CASP6: variants seen among roughly 807,000 people sequenced by gnomAD.
CASP6 encodes the protein caspase 6.
Under a neutral mutation model 31.8 loss-of-function variants are expected in CASP6, and 20 were observed. That is an observed-to-expected ratio of 0.63 (90% CI 0.44 to 0.91). The LOEUF is 0.91. Among genes scored for constraint, CASP6 ranks in the 40% least tolerant of loss-of-function variants. The pLI is 0.00. For missense variants in CASP6, 328 were observed against 361.1 expected (o/e 0.91, Z 0.74); for synonymous variants, 130 against 127.8 (o/e 1.02, Z -0.12).
chr4:109,706,340 T>C (rs958243435), upstream of CASP6, among the ~76,000 whole-genome samples: 3 of 150,924 alleles, frequency 2.0e-5, no homozygotes, highest in Non-Finnish European at 4.4e-5. Flanking sequence ...GCAAGACAAA[T>C]AGAATTGGAA....
downstream of CASP6, chr4:109,687,643 A>G (rs1729881416): frequency 8.2e-7 from 1 of 1,214,054 alleles, no homozygotes; most frequent in Non-Finnish European, 1.2e-6. Flanking sequence ...TGATTTTGCA[A>G]CTTAGGATGT....
chr4:109,681,828 G>A, the CASP6 span, among the ~76,000 whole-genome samples: 356 of 152,366 alleles, frequency 2.3e-3, 3 homozygotes, highest in African/African-American at 7.9e-3. Context: ...GACAGTGAGC[G>A]AAAGCTCAGC....
intron 5 of CASP6, among the ~76,000 whole-genome samples, chr4:109,692,919 G>A (rs1195562100): frequency 6.6e-6 from 1 of 152,206 alleles, no homozygotes; most frequent in Non-Finnish European, 1.5e-5. Flanking sequence ...CGGTTTGAAC[G>A]TCTGTCCCCT....
chr4:109,681,756 G>A, the CASP6 span, among the ~76,000 whole-genome samples: 1 of 152,234 alleles, frequency 6.6e-6, no homozygotes, highest in Non-Finnish European at 1.5e-5. Flanking sequence ...TGGACACCCT[G>A]CTGGATCCGG....
chr4:109,707,855 T>G (rs1210472677), upstream of CASP6, among the ~76,000 whole-genome samples: 1 of 152,098 alleles, frequency 6.6e-6, no homozygotes, highest in East Asian at 1.9e-4. Flanking sequence ...TGCCATGGGG[T>G]GCTCAATGTT....
At chr4:109,685,232 C>G (rs770439088), downstream of CASP6, 1 of 928,464 alleles carries the variant, frequency 1.1e-6, no homozygotes, top group Non-Finnish European at 1.6e-6. Flanking sequence ...GTTTTCTTCT[C>G]TCTCTCTTTT....
At chr4:109,687,207 A>C (rs961982203), downstream of CASP6, among the ~76,000 whole-genome samples, 40 of 152,146 alleles carry the variant, frequency 2.6e-4, no homozygotes, top group African/African-American at 9.4e-4. Context: ...ATACCAAAAA[A>C]TATTAGGTGG....
At chr4:109,682,746 A>G in the CASP6 span, 1 of 1,607,088 alleles carries the variant, frequency 6.2e-7, no homozygotes, top group Non-Finnish European at 8.5e-7. Context: ...TGAACAGGTT[A>G]GGAAGCATCA....
the CASP6 span, among the ~76,000 whole-genome samples, chr4:109,678,024 C>CATCTTAA: frequency 6.6e-5 from 10 of 151,756 alleles, no homozygotes; most frequent in Middle Eastern, 3.4e-3. Context: ...TGACTCTTAA[C>CATCTTAA]GAGTATGCTG....
chr4:109,665,165 A>G, the CASP6 span, among the ~76,000 whole-genome samples: 1 of 152,230 alleles, frequency 6.6e-6, no homozygotes, highest in African/African-American at 2.4e-5. Flanking sequence ...TGTATATTCT[A>G]TAGATTGTGA....
At chr4:109,688,204 A>C (rs1729896672), downstream of CASP6, 1 of 152,264 alleles carries the variant, frequency 6.6e-6, no homozygotes, top group South Asian at 2.1e-4. Flanking sequence ...CGAAGCCAAA[A>C]CAGTTAACTT....
At chr4:109,669,959 T>C in the CASP6 span, among the ~76,000 whole-genome samples, 1 of 152,242 alleles carries the variant, frequency 6.6e-6, no homozygotes, top group African/African-American at 2.4e-5. Context: ...TAGCATATTA[T>C]TTGTAGTTAT....
chr4:109,701,455 G>A (rs1409866108), intron 1 of CASP6, among the ~76,000 whole-genome samples: 1 of 150,524 alleles, frequency 6.6e-6, no homozygotes, highest in South Asian at 2.1e-4. Context: ...TTGAGACAGA[G>A]CCTCCCTCTG....
At chr4:109,706,111 G>T (rs1730604965), upstream of CASP6, among the ~76,000 whole-genome samples, 1 of 92,818 alleles carries the variant, frequency 1.1e-5, no homozygotes, top group African/African-American at 4.1e-5. Flanking sequence ...TTTACAGGCA[G>T]GACAACATAC....
the CASP6 span, among the ~76,000 whole-genome samples, chr4:109,667,675 T>G: frequency 1.1e-4 from 16 of 150,538 alleles, no homozygotes; most frequent in Non-Finnish European, 2.2e-4. Context: ...ACTATATTTA[T>G]TATCTCTTTT....
the CASP6 span, among the ~76,000 whole-genome samples, chr4:109,680,769 C>G: frequency 6.6e-6 from 1 of 152,318 alleles, no homozygotes; most frequent in East Asian, 1.9e-4. Flanking sequence ...GATACCAACT[C>G]TAGACATATG....
At chr4:109,703,774 C>A (rs536096160), upstream of CASP6, among the ~76,000 whole-genome samples, 3 of 152,290 alleles carry the variant, frequency 2.0e-5, no homozygotes, top group Admixed American at 2.0e-4. Flanking sequence ...TCATTTAATC[C>A]CAGCTGCCCC....
chr4:109,707,078 A>G (rs1438925028), upstream of CASP6, among the ~76,000 whole-genome samples: 2 of 152,338 alleles, frequency 1.3e-5, no homozygotes, highest in African/African-American at 2.4e-5. Flanking sequence ...TCTTTTAGCA[A>G]TATTTTAAAA....
the CASP6 span, among the ~76,000 whole-genome samples, chr4:109,664,828 TTCAGGATTTTACTTTAGGA>T: frequency 6.6e-6 from 1 of 152,162 alleles, no homozygotes; most frequent in South Asian, 2.1e-4. Flanking sequence ...TTTTTAGACT[TTCAGGATTTTACTTTAGGA>T]TCTTGAATGC....
Sources: allele counts gnomAD v4.1 joint callset (sites outside exome capture counted in the v4.1 genomes callset), GRCh38; gene constraint gnomAD v4.1.1; transcripts MANE v1.5; gene names NCBI Gene and HGNC (gene_info 2026-07-23, HGNC 2026-07-21).